The following PPP1R16B variants were observed in gnomAD, a reference collection of about 807,000 sequenced individuals.
The protein encoded by PPP1R16B is protein phosphatase 1 regulatory subunit 16B, also known as protein phosphatase 1 regulatory inhibitor subunit 16B.
In PPP1R16B, 14 loss-of-function variants were observed where a neutral mutation model predicts 61.7. That is an observed-to-expected ratio of 0.23 (90% CI 0.15 to 0.35). The LOEUF (loss-of-function observed/expected upper bound fraction) is 0.35, where lower values mean the gene tolerates loss of function less well. Ranked by LOEUF, PPP1R16B falls within the 10% of genes least tolerant of loss-of-function variation. The pLI is 1.00. For missense variants in PPP1R16B, 547 were observed against 752.5 expected (o/e 0.73, Z 3.19); for synonymous variants, 266 against 305.3 (o/e 0.87, Z 1.34).
chr20:38,875,528 T>G (rs1264714990), intron 2 of PPP1R16B, among the ~76,000 whole-genome samples: 1 of 152,210 alleles, frequency 6.6e-6, no homozygotes, highest in East Asian at 1.9e-4. Context: ...GGAGCCAGAC[T>G]TCTCTGTTTT....
chr20:38,888,232 G>A (rs1367605402), intron 2 of PPP1R16B, among the ~76,000 whole-genome samples: 1 of 152,234 alleles, frequency 6.6e-6, no homozygotes, highest in Non-Finnish European at 1.5e-5. Context: ...CTTGGCTGGG[G>A]GTGGGAGGAG....
rs1248987796 is a variant in PPP1R16B at position 38,919,426 on chromosome 20, G to C, written c.*760G>C. 1 of 152,274 alleles carries C rather than the reference G, an allele frequency of 6.6e-6. No individual in the cohort carries two copies. Among genetic ancestry groups the C allele is most frequent in the African/African-American group, 2.4e-5 (1 of 41,458 alleles). 9.4% of individuals were successfully genotyped at this position (152,274 alleles called of 1,614,324 possible). The stretch of plus-strand genomic sequence containing the variant: ...GGAAAACCAGGCAATTTCGTTCCTG[G>C]AATCAACCAAATCATGTTTTCCTCT... On this transcript the variant is annotated 3_prime_UTR_variant, in exon 11 of 11. Coordinates refer to ENST00000299824, the MANE Select transcript of PPP1R16B (RefSeq NM_015568.4).
chr20:38,894,332 C>T (rs1205036800), intron 3 of PPP1R16B, among the ~76,000 whole-genome samples: 1 of 152,198 alleles, frequency 6.6e-6, no homozygotes, highest in Non-Finnish European at 1.5e-5. Context: ...GCTCCTGCTC[C>T]TTCTGTTGGC....
chr20:38,892,502 AT>A (rs1282554002), intron 3 of PPP1R16B, among the ~76,000 whole-genome samples: 4 of 152,070 alleles, frequency 2.6e-5, no homozygotes, highest in African/African-American at 9.6e-5. Context: ...GTGAGCTTCC[AT>A]TTATTTTTTC....
At chr20:38,873,933 T>C (rs1399146385) in intron 2 of PPP1R16B, among the ~76,000 whole-genome samples, 1 of 152,080 alleles carries the variant, frequency 6.6e-6, no homozygotes, top group Non-Finnish European at 1.5e-5. Context: ...TTCACCATGT[T>C]GGCCAGGATG....
At chr20:38,829,900 G>C (rs2084826612) in intron 1 of PPP1R16B, among the ~76,000 whole-genome samples, 1 of 152,234 alleles carries the variant, frequency 6.6e-6, no homozygotes, top group African/African-American at 2.4e-5. Context: ...CAGCTCCAAG[G>C]AACCCAGAGG....
At chr20:38,903,467 T>C (rs2085412662) in intron 6 of PPP1R16B, among the ~76,000 whole-genome samples, 1 of 152,130 alleles carries the variant, frequency 6.6e-6, no homozygotes, top group African/African-American at 2.4e-5. Context: ...GCCTCTCCTT[T>C]GGGTTCCCTG....
intron 2 of PPP1R16B, among the ~76,000 whole-genome samples, chr20:38,885,750 C>G (rs1446512642): frequency 6.6e-6 from 1 of 152,166 alleles, no homozygotes; most frequent in Non-Finnish European, 1.5e-5. Flanking sequence ...AAATAAAAGG[C>G]TTAGTAAGAA....
At chr20:38,817,998 T>C (rs2084749859) in intron 1 of PPP1R16B, among the ~76,000 whole-genome samples, 1 of 151,982 alleles carries the variant, frequency 6.6e-6, no homozygotes, top group South Asian at 2.1e-4. Context: ...GAGCTGAGAT[T>C]GTGCCACTGC....
At chr20:38,841,262 A>G (rs1249484421) in intron 2 of PPP1R16B, among the ~76,000 whole-genome samples, 1 of 151,156 alleles carries the variant, frequency 6.6e-6, no homozygotes, top group African/African-American at 2.4e-5. Flanking sequence ...TGGTGTGGCT[A>G]ACACTTGTTA....
chr20:38,892,423 C>T (rs1441391159), intron 3 of PPP1R16B, among the ~76,000 whole-genome samples: 1 of 152,116 alleles, frequency 6.6e-6, no homozygotes, highest in East Asian at 1.9e-4. Flanking sequence ...CGCACCTCAC[C>T]CCAACCACCA....
chr20:38,875,293 CT>C (rs2085158151), intron 2 of PPP1R16B, among the ~76,000 whole-genome samples: 1 of 152,238 alleles, frequency 6.6e-6, no homozygotes, highest in Non-Finnish European at 1.5e-5. Context: ...GCCCAGCCAG[CT>C]ACTCTCTAGC....
intron 10 of PPP1R16B, among the ~76,000 whole-genome samples, chr20:38,916,722 T>A (rs978609458): frequency 7.2e-5 from 11 of 152,016 alleles, no homozygotes; most frequent in African/African-American, 1.4e-4. Flanking sequence ...AAGAAAAAAA[T>A]TTCAGTGAAG....
intron 6 of PPP1R16B, among the ~76,000 whole-genome samples, chr20:38,904,761 C>T (rs2085425635): frequency 6.6e-6 from 1 of 152,160 alleles, no homozygotes; most frequent in Non-Finnish European, 1.5e-5. Context: ...CCTTCTTTGT[C>T]CCACTGACTC....
chr20:38,835,331 T>C (rs1258595248), intron 1 of PPP1R16B, among the ~76,000 whole-genome samples: 1 of 152,164 alleles, frequency 6.6e-6, no homozygotes, highest in Non-Finnish European at 1.5e-5. Context: ...CCCCATCATG[T>C]CCTGACCCTC....
Position 38,921,096 on chromosome 20 carries a change from C to T in PPP1R16B, c.*2430C>T, listed in dbSNP as rs572756346. 3 of 152,370 alleles carry T rather than the reference C, an allele frequency of 2.0e-5. No individual in the cohort carries two copies. The South Asian group carries it at 6.2e-4, about 32-fold the overall frequency. 9.4% of individuals were successfully genotyped at this position (152,370 alleles called of 1,614,324 possible). ...GCCTCCTGCCTCCTGGGCTATTCCTCTCCACCCAGAAGGCTGGGAATCCCA... is the reference window on the plus strand; with the variant it reads ...GCCTCCTGCCTCCTGGGCTATTCCTTTCCACCCAGAAGGCTGGGAATCCCA... On this transcript the variant is annotated 3_prime_UTR_variant, in exon 11 of 11. Transcript: ENST00000299824.
chr20:38,840,709 T>G (rs891393696), intron 2 of PPP1R16B, among the ~76,000 whole-genome samples: 7 of 152,222 alleles, frequency 4.6e-5, no homozygotes, highest in Non-Finnish European at 1.0e-4. Flanking sequence ...GACAGTGTAG[T>G]GTCATGGCTA....
intron 3 of PPP1R16B, among the ~76,000 whole-genome samples, chr20:38,894,234 C>T (rs1487435701): frequency 2.0e-5 from 3 of 152,148 alleles, no homozygotes; most frequent in African/African-American, 7.2e-5. Flanking sequence ...CCTGGCTTCC[C>T]TGGGGATAGG....
intron 5 of PPP1R16B, among the ~76,000 whole-genome samples, chr20:38,901,930 G>A (rs573058167): frequency 6.6e-6 from 1 of 152,206 alleles, no homozygotes; most frequent in Non-Finnish European, 1.5e-5. Context: ...CATTCTAATG[G>A]TAGGGAATAC....
Sources: gnomAD v4.1 joint callset for allele counts (sites outside exome capture counted in the v4.1 genomes callset) on GRCh38, gnomAD v4.1.1 for gene constraint, MANE v1.5 for transcripts, NCBI Gene and HGNC (gene_info 2026-07-23, HGNC 2026-07-21) for gene names.